PPP6R3: variants seen among roughly 807,000 people sequenced by gnomAD.
PPP6R3 encodes the protein serine/threonine-protein phosphatase 6 regulatory subunit 3.
PPP6R3 carries 38 observed loss-of-function variants against 110.7 expected under a neutral mutation model. The ratio of observed to expected loss-of-function variants is 0.34; its 90% CI spans 0.26 to 0.45. The LOEUF is 0.45. PPP6R3 is among the 20% of genes least tolerant of loss of function. The pLI is 1.00. For synonymous variants in PPP6R3, 369 were observed against 373.5 expected, an observed-to-expected ratio of 0.99 and a Z score of 0.14; for missense variants, 870 against 1,062.4, an observed-to-expected ratio of 0.82 and a Z score of 2.52.
At chr11:68,522,198 A>C (rs2099167458) in intron 2 of PPP6R3, among the ~76,000 whole-genome samples, 1 of 152,212 alleles carries the variant, frequency 6.6e-6, no homozygotes, top group Non-Finnish European at 1.5e-5. Flanking sequence ...AACTGAATGG[A>C]TTTTGAAATA....
chr11:68,565,201 T>G (rs2099456675), intron 9 of PPP6R3, among the ~76,000 whole-genome samples: 2 of 152,150 alleles, frequency 1.3e-5, no homozygotes, highest in Non-Finnish European at 2.9e-5. Context: ...ATTAGATGTT[T>G]TCTGTTTATT....
At chr11:68,528,432 G>T (rs985158286) in intron 2 of PPP6R3, among the ~76,000 whole-genome samples, 5 of 35,266 alleles carry the variant, frequency 1.4e-4, no homozygotes, top group East Asian at 2.7e-3. Context: ...ATTTGTGTGT[G>T]TGGGGGGGGG....
At chr11:68,583,231 G>A in intron 15 of PPP6R3, 102 bp downstream of exon 15, 1 of 889,268 alleles carries the variant, frequency 1.1e-6, no homozygotes, top group African/African-American at 1.7e-5. Flanking sequence ...ATTAGAATGT[G>A]ATTTGGGGTT....
intron 14 of PPP6R3, 84 bp from the exon 15 acceptor site, chr11:68,582,959 A>T: frequency 5.7e-6 from 6 of 1,045,080 alleles, no homozygotes; most frequent in Non-Finnish European, 8.3e-6. Flanking sequence ...AAAAAAACTA[A>T]ATGTGATTTT....
chr11:68,597,304 C>T (rs532328305), intron 19 of PPP6R3, among the ~76,000 whole-genome samples: 1 of 152,156 alleles, frequency 6.6e-6, no homozygotes, highest in South Asian at 2.1e-4. Flanking sequence ...TTTGCCCGTG[C>T]GAGAGAGAAA....
intron 1 of PPP6R3, chr11:68,514,961 T>C (rs2099128659): frequency 6.6e-6 from 1 of 152,200 alleles, no homozygotes; most frequent in Non-Finnish European, 1.5e-5. Context: ...AATTATATTT[T>C]TGGGATTTTG....
chr11:68,596,127 A>G lies in PPP6R3; in HGVS notation c.1947A>G (p.Thr649=), dbSNP rs1297156865. Residue 649 remains threonine (T), a synonymous_variant, in exon 19 of 24, where the codon ACA becomes ACG. Coordinates refer to ENST00000393800, the MANE Select transcript of PPP6R3 (RefSeq NM_001164161.2). ...SSGSTDSEES[T]DSEEEDGAKQ... is the part of the protein sequence containing the mutation. ...GGAGTACAGACAGTGAGGAAAGTAC[A>G]GACTCTGAAGAAGAAGATGGAGCAA... The G allele has an allele frequency of 1.2e-6, 2 of 1,614,120 alleles. No individual in the cohort carries two copies. The highest frequency in any genetic ancestry group is 2.7e-5 in the African/African-American group (2 of 74,942).
chr11:68,544,974 A>G lies in PPP6R3; in HGVS notation c.364A>G (p.Ser122Gly). ...NDSPLNPLLA[S>G]FFSKVLSILI... ...TTCCCCTTTGAATCCACTACTTGCCAGTTTCTTCAGCAAGGTGCTAAGTAT... is the reference window on the plus strand; with the variant it reads ...TTCCCCTTTGAATCCACTACTTGCCGGTTTCTTCAGCAAGGTGCTAAGTAT... The change falls in exon 4 of 24, where the codon AGT becomes GGT. Residue 122 changes from serine to glycine, a missense_variant. By Grantham distance (56) the Ser-to-Gly change is moderately conservative (BLOSUM62 0). Transcript: ENST00000393800. 1.9e-6 allele frequency: 3 copies of G among 1,609,580 alleles called. No homozygotes were observed. Among genetic ancestry groups the G allele is most frequent in the Non-Finnish European group, 2.6e-6 (3 of 1,175,970 alleles).
chr11:68,511,610 A>G (rs1165471212), intron 1 of PPP6R3, among the ~76,000 whole-genome samples: 1 of 150,770 alleles, frequency 6.6e-6, no homozygotes, highest in Admixed American at 6.6e-5. Flanking sequence ...CTTCCTGAGT[A>G]GCTGGGATTA....
At chr11:68,545,242 G>A (rs1592880712) in intron 4 of PPP6R3, among the ~76,000 whole-genome samples, 1 of 152,194 alleles carries the variant, frequency 6.6e-6, no homozygotes, top group East Asian at 1.9e-4. Context: ...TAATTTGTTA[G>A]CATACTTTAG....
At chr11:68,495,944 C>T (rs1362933416) in intron 1 of PPP6R3, among the ~76,000 whole-genome samples, 1 of 152,196 alleles carries the variant, frequency 6.6e-6, no homozygotes. Context: ...TTTACATTCC[C>T]ACCAGCAATG....
chr11:68,575,000 G>T (rs1159616909), intron 13 of PPP6R3, among the ~76,000 whole-genome samples: 3 of 152,212 alleles, frequency 2.0e-5, no homozygotes, highest in Non-Finnish European at 4.4e-5. Context: ...TGTTGAATGT[G>T]CACTAAAACC....
chr11:68,592,926 A>G lies in PPP6R3; in HGVS notation c.1916+1220A>G, dbSNP rs1432820077. Among the ~76,000 whole-genome samples the G allele has an allele frequency of 2.0e-5, 3 of 152,224 alleles. No homozygotes were observed. The East Asian group carries it at 5.8e-4, about 29-fold the overall frequency. ...ACAGAGCACCACGTGTGGAAGGCAC[A>G]GAGAATTTAGTGTGTCAGGGAAGAC... On this transcript the variant is annotated intron_variant, in intron 18 of 23. Transcript: ENST00000393800.
intron 1 of PPP6R3, among the ~76,000 whole-genome samples, chr11:68,491,787 T>C (rs2098985972): frequency 6.6e-6 from 1 of 152,174 alleles, no homozygotes; most frequent in Non-Finnish European, 1.5e-5. Flanking sequence ...AAATCATCTT[T>C]TGGCTTCCCT....
chr11:68,537,416 A>C (rs951567421), intron 2 of PPP6R3, among the ~76,000 whole-genome samples: 3 of 152,162 alleles, frequency 2.0e-5, no homozygotes, highest in Admixed American at 1.3e-4. Context: ...AATCATCCCA[A>C]GTTTTAGCTT....
chr11:68,571,987 G>A (rs972798873), intron 12 of PPP6R3, among the ~76,000 whole-genome samples: 1 of 152,050 alleles, frequency 6.6e-6, no homozygotes, highest in Admixed American at 6.5e-5. Context: ...TGACTCTTGG[G>A]AGTCAGCCTT....
At chr11:68,609,679 A>G in intron 22 of PPP6R3, 2 of 1,571,224 alleles carry the variant, frequency 1.3e-6, no homozygotes, top group South Asian at 1.1e-5. Context: ...GCCACATTAC[A>G]TTGTCCCTGT....
chr11:68,575,249 A>G lies in PPP6R3; in HGVS notation c.1460-709A>G, dbSNP rs1284982541. On this transcript the variant is annotated intron_variant, in intron 13 of 23. Transcript: ENST00000393800. Reference sequence around the variant, plus strand: ...CACTTCTGTGAGTGTGCACACATGCATGGCTGTTTTAAACCAGAATTATCA... The same window carrying G: ...CACTTCTGTGAGTGTGCACACATGCGTGGCTGTTTTAAACCAGAATTATCA... Among the ~76,000 whole-genome samples the G allele has an allele frequency of 4.6e-5, 7 of 152,240 alleles. No homozygotes were observed. In the East Asian group the frequency reaches 5.8e-4, roughly 13 times the overall value.
intron 2 of PPP6R3, among the ~76,000 whole-genome samples, chr11:68,534,048 A>G (rs2099256225): frequency 6.6e-6 from 1 of 152,182 alleles, no homozygotes; most frequent in South Asian, 2.1e-4. Flanking sequence ...TTAGCTAGAT[A>G]CAGGTGAAGG....
Sources: gnomAD v4.1 joint callset for allele counts (sites outside exome capture counted in the v4.1 genomes callset) on GRCh38, gnomAD v4.1.1 for gene constraint, MANE v1.5 for transcripts, NCBI Gene and HGNC (gene_info 2026-07-23, HGNC 2026-07-21) for gene names.